Variants in PSD3 observed in about 807,000 individuals in gnomAD.
The protein encoded by PSD3 is pleckstrin and Sec7 domain containing 3.
PSD3 carries 49 observed loss-of-function variants against 105.5 expected under a neutral mutation model. That is an observed-to-expected ratio of 0.46 (90% confidence interval 0.37 to 0.59). The LOEUF (loss-of-function observed/expected upper bound fraction) is 0.59, where lower values mean the gene tolerates loss of function less well. Ranked by LOEUF, PSD3 falls within the 20% of genes least tolerant of loss-of-function variation. The pLI is 0.00. For missense variants in PSD3, 1,561 were observed against 1,263.8 expected (o/e 1.24, Z -3.57); for synonymous variants, 557 against 457.8 (o/e 1.22, Z -2.77).
intron 2 of PSD3, among the ~76,000 whole-genome samples, chr8:18,915,024 G>A (rs1820491568): frequency 6.6e-6 from 1 of 151,162 alleles, no homozygotes; most frequent in South Asian, 2.1e-4. Context: ...GAACAGAATA[G>A]GAAGCCCATA....
At chr8:18,908,418 A>C (rs1270068984) in intron 2 of PSD3, among the ~76,000 whole-genome samples, 2 of 152,162 alleles carry the variant, frequency 1.3e-5, no homozygotes, top group Non-Finnish European at 2.9e-5. Flanking sequence ...TCTTTTTAGA[A>C]CCAAATTCTC....
At position 18,981,605 on chromosome 8, in the gene PSD3, C is replaced by A. The variant is rs191292288; in HGVS notation, c.21+31958G>T. Among the ~76,000 whole-genome samples, 2 of 152,194 alleles carry A rather than the reference C, an allele frequency of 1.3e-5. 1 individual carries two copies. Among genetic ancestry groups the A allele is most frequent in the Admixed American group, 1.3e-4 (2 of 15,274 alleles). ...GAGATTGTGTGGGTTCAATTCCAGA[C>A]CACAACAATACAGTGAATATCACAA... On this transcript the variant is annotated intron_variant, in intron 1 of 15. Coordinates refer to ENST00000327040, the MANE Select transcript of PSD3 (RefSeq NM_015310.4).
chr8:18,784,245 A>C (rs1267463400), intron 8 of PSD3, among the ~76,000 whole-genome samples: 3 of 152,142 alleles, frequency 2.0e-5, no homozygotes. Flanking sequence ...AGCATTATTT[A>C]ATATACGGTG....
chr8:18,704,408 G>A (rs1801769555), intron 9 of PSD3, among the ~76,000 whole-genome samples: 1 of 152,114 alleles, frequency 6.6e-6, no homozygotes, highest in Non-Finnish European at 1.5e-5. Flanking sequence ...TGTGGTCTCG[G>A]CTCACTGAAA....
intron 11 of PSD3, among the ~76,000 whole-genome samples, chr8:18,602,559 A>G (rs1317589812): frequency 6.6e-6 from 1 of 152,102 alleles, no homozygotes; most frequent in Non-Finnish European, 1.5e-5. Flanking sequence ...ATTCAACGGT[A>G]TTTAGTTGGT....
intron 11 of PSD3, among the ~76,000 whole-genome samples, chr8:18,623,586 G>A (rs1237046546): frequency 6.7e-6 from 1 of 150,228 alleles, no homozygotes; most frequent in Admixed American, 6.7e-5. Context: ...GCTGCAGTGA[G>A]CTACAATTGC....
chr8:18,579,391 G>C (rs143267874), intron 12 of PSD3, among the ~76,000 whole-genome samples: 8 of 152,176 alleles, frequency 5.3e-5, no homozygotes, highest in African/African-American at 9.6e-5. Flanking sequence ...TTTTCTGTAA[G>C]AAAAGAAAAT....
chr8:18,678,949 TAA>T (rs897815351), intron 9 of PSD3, among the ~76,000 whole-genome samples: 11 of 119,082 alleles, frequency 9.2e-5, no homozygotes, highest in East Asian at 4.7e-4. Context: ...TTTCTTTTAA[TAA>T]AGTCTATTCA....
intron 8 of PSD3, among the ~76,000 whole-genome samples, chr8:18,784,474 T>G (rs1350744398): frequency 6.6e-6 from 1 of 152,206 alleles, no homozygotes; most frequent in African/African-American, 2.4e-5. Flanking sequence ...ATGTATCTGC[T>G]GATTTCATGA....
intron 12 of PSD3, among the ~76,000 whole-genome samples, chr8:18,594,694 G>A (rs78915509): frequency 1.3e-5 from 2 of 151,408 alleles, no homozygotes; most frequent in Admixed American, 1.3e-4. Flanking sequence ...AAAATCCATG[G>A]ATGCTCAAGT....
chr8:18,929,525 C>G (rs374487696), intron 2 of PSD3, among the ~76,000 whole-genome samples: 1 of 152,140 alleles, frequency 6.6e-6, no homozygotes, highest in South Asian at 2.1e-4. Flanking sequence ...TAGCATGGGT[C>G]TAATCCCACC....
intron 11 of PSD3, among the ~76,000 whole-genome samples, chr8:18,612,728 C>G (rs1306036575): frequency 1.3e-5 from 2 of 152,154 alleles, no homozygotes; most frequent in East Asian, 3.9e-4. Flanking sequence ...GGGAAGAGAG[C>G]TAAGTGTGAC....
At chr8:18,688,798 C>T (rs927167857) in intron 9 of PSD3, among the ~76,000 whole-genome samples, 10 of 152,146 alleles carry the variant, frequency 6.6e-5, no homozygotes, top group South Asian at 2.1e-4. Context: ...GAGGCCTTGA[C>T]CATTTATAGA....
At chr8:18,743,464 G>T (rs901757226) in intron 9 of PSD3, among the ~76,000 whole-genome samples, 1 of 152,100 alleles carries the variant, frequency 6.6e-6, no homozygotes, top group Non-Finnish European at 1.5e-5. Context: ...AATAGATAAT[G>T]AGATAACAAG....
intron 1 of PSD3, among the ~76,000 whole-genome samples, chr8:19,066,044 C>A (rs1829065828): frequency 6.6e-6 from 1 of 152,150 alleles, no homozygotes; most frequent in Admixed American, 6.5e-5. Flanking sequence ...TTCACAGTAA[C>A]ACAAAAACTC....
intron 4 of PSD3, among the ~76,000 whole-genome samples, chr8:18,834,620 A>G (rs1021610117): frequency 4.6e-5 from 7 of 152,194 alleles, no homozygotes; most frequent in African/African-American, 1.4e-4. Context: ...CCATGCACTT[A>G]AACTATGACT....
At chr8:18,549,593 G>A (rs1800648534) in intron 15 of PSD3, among the ~76,000 whole-genome samples, 1 of 152,292 alleles carries the variant, frequency 6.6e-6, no homozygotes, top group Non-Finnish European at 1.5e-5. Flanking sequence ...CTTGTCTGTG[G>A]TATACGTCTA....
chr8:19,078,047 T>C (rs994517885), intron 1 of PSD3, among the ~76,000 whole-genome samples: 1 of 152,138 alleles, frequency 6.6e-6, no homozygotes, highest in Non-Finnish European at 1.5e-5. Context: ...TTTGTTCTTT[T>C]TGAGACACAG....
chr8:19,044,881 C>T (rs1184667643), intron 1 of PSD3, among the ~76,000 whole-genome samples: 1 of 152,124 alleles, frequency 6.6e-6, no homozygotes, highest in Non-Finnish European at 1.5e-5. Flanking sequence ...GGAGATGAGA[C>T]TTTTAAGAAA....
Sources: gnomAD v4.1 joint callset for allele counts (sites outside exome capture counted in the v4.1 genomes callset) on GRCh38, gnomAD v4.1.1 for gene constraint, MANE v1.5 for transcripts, NCBI Gene and HGNC (gene_info 2026-07-23, HGNC 2026-07-21) for gene names.